Variants in PCDHA8 observed in about 807,000 individuals in gnomAD.
PCDHA8 encodes protocadherin alpha 8.
PCDHA8 carries 53 observed loss-of-function variants against 61.8 expected under a neutral mutation model. The observed-to-expected ratio is 0.86, with a 90% CI of 0.69 to 1.08. The LOEUF (loss-of-function observed/expected upper bound fraction) is 1.08. PCDHA8 is among the 50% of genes least tolerant of loss of function. The pLI, the probability that PCDHA8 is intolerant of heterozygous loss-of-function variation, is 0.00. For missense variants in PCDHA8, 1,293 were observed against 1,245.0 expected (o/e 1.04, Z -0.58); for synonymous variants, 618 against 556.6 (o/e 1.11, Z -1.55).
Position 140,883,366 on chromosome 5 carries a change from C to A in PCDHA8, c.2394+39651C>A, listed in dbSNP as rs34923516. 1.2e-5 allele frequency: 19 copies of A among 1,614,056 alleles called. No individual in the cohort carries two copies. In the African/African-American group the frequency reaches 2.4e-4, roughly 20 times the overall value. On this transcript the variant is annotated intron_variant, in intron 1 of 3. Transcript: ENST00000531613. ...CCATCAGAGAAGACACTCAGCCTAGCGCCATTATTGCCCTAATCAGTGTGT... is the reference window on the plus strand; with the variant it reads ...CCATCAGAGAAGACACTCAGCCTAGAGCCATTATTGCCCTAATCAGTGTGT...
intron 1 of PCDHA8, chr5:140,851,464 T>A: frequency 1.1e-6 from 1 of 895,470 alleles, no homozygotes; most frequent in Non-Finnish European, 1.4e-6. Flanking sequence ...TCAAATTATG[T>A]CAATAAATGT....
chr5:140,960,308 C>A (rs1387326739), intron 1 of PCDHA8, among the ~76,000 whole-genome samples: 1 of 152,122 alleles, frequency 6.6e-6, no homozygotes, highest in African/African-American at 2.4e-5. Flanking sequence ...CAATACCAAC[C>A]TCATTAGGGT....
chr5:140,869,318 G>A (rs1373742506), intron 1 of PCDHA8: 1 of 1,613,688 alleles, frequency 6.2e-7, no homozygotes, highest in South Asian at 1.1e-5. Flanking sequence ...AAAACACATG[G>A]GGACCTTCTG....
intron 3 of PCDHA8, among the ~76,000 whole-genome samples, chr5:141,000,371 C>G (rs868969531): frequency 6.1e-5 from 3 of 49,260 alleles, no homozygotes; most frequent in Admixed American, 2.7e-4. Flanking sequence ...GTCTCTCTCT[C>G]TCTCTCTCTC....
chr5:140,987,228 TAATA>T (rs1459014222), intron 3 of PCDHA8, among the ~76,000 whole-genome samples: 2 of 149,038 alleles, frequency 1.3e-5, no homozygotes, highest in Non-Finnish European at 3.0e-5. Flanking sequence ...AAAAAAAAAA[TAATA>T]AATAAAGAAA....
At chr5:140,900,776 G>A (rs1407126944) in intron 1 of PCDHA8, among the ~76,000 whole-genome samples, 1 of 152,172 alleles carries the variant, frequency 6.6e-6, no homozygotes, top group Non-Finnish European at 1.5e-5. Flanking sequence ...GCTTTTTGAG[G>A]AAACTCCAAA....
intron 1 of PCDHA8, among the ~76,000 whole-genome samples, chr5:140,943,453 G>T (rs545980639): frequency 3.3e-4 from 50 of 152,158 alleles, no homozygotes; most frequent in Admixed American, 2.6e-4. Context: ...GAATTGATAA[G>T]GCTAAATGTG....
chr5:140,862,916 G>A, intron 1 of PCDHA8: 1 of 547,890 alleles, frequency 1.8e-6, no homozygotes, highest in Non-Finnish European at 3.5e-6. Context: ...CTGGCGCCTT[G>A]GGTGGGCTGG....
chr5:140,992,352 G>C (rs1554252825), intron 3 of PCDHA8, among the ~76,000 whole-genome samples: 1 of 152,162 alleles, frequency 6.6e-6, no homozygotes, highest in African/African-American at 2.4e-5. Context: ...TGTGGAGAGA[G>C]GAGAAAAATG....
chr5:140,992,017 CTGTGTGTGTG>C (rs10602499), intron 3 of PCDHA8, among the ~76,000 whole-genome samples: 1 of 145,512 alleles, frequency 6.9e-6, no homozygotes, highest in Non-Finnish European at 1.5e-5. Context: ...AGAGGTGGCT[CTGTGTGTGTG>C]TGTGTGTGTG....
At chr5:140,917,224 G>T (rs142866496) in intron 1 of PCDHA8, among the ~76,000 whole-genome samples, 1 of 150,920 alleles carries the variant, frequency 6.6e-6, no homozygotes, top group African/African-American at 2.4e-5. Flanking sequence ...TTAGTGATAC[G>T]TTGTTAAATC....
At chr5:140,857,727 A>C in intron 1 of PCDHA8, 1 of 1,597,294 alleles carries the variant, frequency 6.3e-7, no homozygotes, top group South Asian at 1.1e-5. Flanking sequence ...GAGAACGACA[A>C]CGCTCCCGCG....
chr5:140,871,588 T>C, intron 1 of PCDHA8: 1 of 1,463,366 alleles, frequency 6.8e-7, no homozygotes, highest in Non-Finnish European at 9.1e-7. Context: ...GAAAGTTTTA[T>C]GAATAACCAG....
At chr5:140,977,513 A>G (rs1378316611) in intron 1 of PCDHA8, among the ~76,000 whole-genome samples, 2 of 152,236 alleles carry the variant, frequency 1.3e-5, no homozygotes, top group African/African-American at 4.8e-5. Context: ...GCATTTTGTG[A>G]ACTTGAAAAC....
At chr5:140,862,741 G>A (rs2153223703) in intron 1 of PCDHA8, 1 of 577,348 alleles carries the variant, frequency 1.7e-6, no homozygotes. Context: ...CTATGTGTGG[G>A]TGCACGCGGA....
rs190155701 is a variant in PCDHA8, at chr5:140,878,924, A to G, written c.2394+35209A>G. Among the ~76,000 whole-genome samples, 11 of 152,344 alleles carry G rather than the reference A, an allele frequency of 7.2e-5. No homozygotes were observed. The East Asian group carries it at 2.1e-3, about 29-fold the overall frequency. ...GCTCCACCACTCCCAGCTTCAATCA[A>G]TAATTTTAAATAAATATATGGTATT... On this transcript the variant is annotated intron_variant, in intron 1 of 3. Transcript: ENST00000531613.
intron 3 of PCDHA8, among the ~76,000 whole-genome samples, chr5:140,993,888 G>A (rs1196429613): frequency 6.6e-6 from 1 of 152,140 alleles, no homozygotes; most frequent in African/African-American, 2.4e-5. Flanking sequence ...GCTCTATGAT[G>A]TCCATACAAC....
chr5:140,927,917 TC>T (rs1554205257), intron 1 of PCDHA8: 2 of 1,614,182 alleles, frequency 1.2e-6, no homozygotes, highest in Non-Finnish European at 8.5e-7. Flanking sequence ...GAACTGGACT[TC>T]CTGACTCTTT....
chr5:140,926,125 A>G (rs1584421625), intron 1 of PCDHA8, among the ~76,000 whole-genome samples: 2 of 152,180 alleles, frequency 1.3e-5, no homozygotes, highest in Admixed American at 6.5e-5. Flanking sequence ...ACAGACTTCA[A>G]CCCGCAGCAG....
Sources: gnomAD v4.1 joint callset for allele counts (sites outside exome capture counted in the v4.1 genomes callset) on GRCh38, gnomAD v4.1.1 for gene constraint, MANE v1.5 for transcripts, NCBI Gene and HGNC (gene_info 2026-07-23, HGNC 2026-07-21) for gene names.